MALRD1: variants seen among roughly 807,000 people sequenced by gnomAD.
MALRD1 encodes MAM and LDL-receptor class A domain-containing protein 1.
Under a neutral mutation model 242.1 loss-of-function variants are expected in MALRD1, and 247 were observed. The ratio of observed to expected loss-of-function variants is 1.02; its 90% CI spans 0.92 to 1.13. MALRD1 has a LOEUF of 1.13. Ranked by LOEUF, MALRD1 falls within the 50% of genes most tolerant of loss-of-function variation. MALRD1 has a pLI of 0.00. For synonymous variants in MALRD1, 995 were observed against 866.6 expected (o/e 1.15, Z -2.60); for missense variants, 2,989 against 2,533.1 (o/e 1.18, Z -3.86).
At chr10:19,337,214 T>C (rs897943781) in intron 24 of MALRD1, among the ~76,000 whole-genome samples, 1 of 152,134 alleles carries the variant, frequency 6.6e-6, no homozygotes, top group African/African-American at 2.4e-5. Context: ...TGTTAAGTAA[T>C]AGGTACATAC....
intron 36 of MALRD1, among the ~76,000 whole-genome samples, chr10:19,616,994 T>C (rs1359977748): frequency 1.3e-5 from 2 of 151,996 alleles, no homozygotes; most frequent in Non-Finnish European, 2.9e-5. Flanking sequence ...AAAGACAGGA[T>C]ACATAATATT....
Position 19,389,498 on chromosome 10 carries a change from C to G in MALRD1, c.4734C>G (p.Asp1578Glu). 6.4e-7 allele frequency: 1 copy of G among 1,550,572 alleles called. No homozygotes were observed. The highest frequency in any genetic ancestry group is 8.7e-7 in the Non-Finnish European group (1 of 1,146,950). The part of the protein sequence containing the change: ...LEATAVGLRG[D>E]KAHFRSTMWR... ...CTACTGCAGTGGGCCTTCGGGGTGA[C>G]AAAGCACACTTCAGGAGTACCATGT... The change falls in exon 28 of 40, where the codon GAC becomes GAG. Residue 1578 changes from aspartate (D) to glutamate (E), a missense_variant. Transcript: ENST00000454679.
At chr10:19,440,786 T>C (rs1016240426) in intron 28 of MALRD1, among the ~76,000 whole-genome samples, 2 of 152,222 alleles carry the variant, frequency 1.3e-5, no homozygotes, top group Admixed American at 6.5e-5. Flanking sequence ...CTATTGTGAA[T>C]AGTGCCGCAA....
chr10:19,306,056 TTATACTATACTATATATACTA>T (rs1842166806), intron 21 of MALRD1, among the ~76,000 whole-genome samples: 1 of 100,752 alleles, frequency 9.9e-6, no homozygotes. Flanking sequence ...ATACAATTTA[TTATACTATACTATATATACTA>T]TATACTATAT....
At chr10:19,237,584 T>TTA (rs1838387677) in intron 18 of MALRD1, among the ~76,000 whole-genome samples, 1 of 12,676 alleles carries the variant, frequency 7.9e-5, no homozygotes, top group African/African-American at 6.2e-4. Flanking sequence ...ATAATTATAA[T>TTA]TATATAATTA....
intron 5 of MALRD1, among the ~76,000 whole-genome samples, chr10:19,104,799 T>G (rs1013486877): frequency 9.2e-5 from 14 of 152,048 alleles, no homozygotes; most frequent in African/African-American, 3.4e-4. Context: ...TTGTGGTAAA[T>G]GATATTTCAA....
intron 14 of MALRD1, among the ~76,000 whole-genome samples, chr10:19,199,720 G>A (rs1370357834): frequency 1.3e-5 from 2 of 151,992 alleles, no homozygotes; most frequent in Non-Finnish European, 2.9e-5. Context: ...AGAATTGCTT[G>A]AACCCGGGAG....
intron 25 of MALRD1, among the ~76,000 whole-genome samples, chr10:19,350,589 T>C (rs1844331670): frequency 6.6e-6 from 1 of 152,116 alleles, no homozygotes; most frequent in Admixed American, 6.5e-5. Context: ...GCTTAGAAGA[T>C]TTTTATTCAC....
At chr10:19,559,323 G>C (rs1294816371) in intron 32 of MALRD1, among the ~76,000 whole-genome samples, 4 of 151,812 alleles carry the variant, frequency 2.6e-5, no homozygotes, top group Non-Finnish European at 5.9e-5. Context: ...AACTTGGCTA[G>C]AGGTTTAGCA....
chr10:19,147,597 T>C (rs1277329186), intron 11 of MALRD1, among the ~76,000 whole-genome samples: 2 of 152,234 alleles, frequency 1.3e-5, no homozygotes, highest in Non-Finnish European at 2.9e-5. Context: ...AATTATTAAA[T>C]ACATAGCATA....
At chr10:19,719,003 TA>T (rs915458263) in intron 38 of MALRD1, among the ~76,000 whole-genome samples, 89 of 146,306 alleles carry the variant, frequency 6.1e-4, no homozygotes, top group Non-Finnish European at 9.3e-4. Context: ...CAGAACAATT[TA>T]AAAAAAAAAT....
chr10:19,220,264 G>A (rs1837501319), intron 18 of MALRD1, among the ~76,000 whole-genome samples: 1 of 152,102 alleles, frequency 6.6e-6, no homozygotes, highest in Admixed American at 6.6e-5. Flanking sequence ...CTATGTAGAG[G>A]GACAGGGGAG....
At position 19,128,402 on chromosome 10, in the gene MALRD1, G is replaced by A; in HGVS notation, c.1110+15G>A. 1 of 1,230,836 alleles carries A rather than the reference G, an allele frequency of 8.1e-7. No individual in the cohort carries two copies. The highest frequency in any genetic ancestry group is 1.0e-6 in the Non-Finnish European group (1 of 985,654). 76.2% of individuals were successfully genotyped at this position (1,230,836 alleles called of 1,614,324 possible). ...ATAATAATAAGGTAAGAAGAAAGTTGCATTTATTTCAAATTCATTGAATCA... is the reference window on the plus strand; with the variant it reads ...ATAATAATAAGGTAAGAAGAAAGTTACATTTATTTCAAATTCATTGAATCA... On this transcript the variant is annotated intron_variant, in intron 8 of 39. Coordinates refer to ENST00000454679, the MANE Select transcript of MALRD1 (RefSeq NM_001142308.3).
At chr10:19,578,408 G>T (rs1195748873) in intron 33 of MALRD1, among the ~76,000 whole-genome samples, 1 of 152,094 alleles carries the variant, frequency 6.6e-6, no homozygotes, top group East Asian at 1.9e-4. Context: ...GAAATAACCA[G>T]CTTCCAGGTA....
intron 14 of MALRD1, among the ~76,000 whole-genome samples, chr10:19,200,661 T>TTTTTTTTTTTTTTG (rs1836488815): frequency 2.0e-5 from 3 of 146,930 alleles, no homozygotes; most frequent in Admixed American, 6.9e-5. Flanking sequence ...TTTTTTTTTT[T>TTTTTTTTTTTTTTG]TTTTTTTTTT....
chr10:19,149,787 A>G (rs1478277648), intron 11 of MALRD1, among the ~76,000 whole-genome samples: 2 of 152,214 alleles, frequency 1.3e-5, no homozygotes, highest in Non-Finnish European at 2.9e-5. Flanking sequence ...AAATGAAGAT[A>G]TAAAACAATT....
chr10:19,274,438 A>G (rs1295782881), intron 19 of MALRD1, among the ~76,000 whole-genome samples: 1 of 152,152 alleles, frequency 6.6e-6, no homozygotes, highest in Non-Finnish European at 1.5e-5. Context: ...TAAAGCTTTC[A>G]TGGATGGAAT....
intron 25 of MALRD1, among the ~76,000 whole-genome samples, 200 bp downstream of exon 25, chr10:19,348,218 C>T (rs2130984474): frequency 6.6e-6 from 1 of 152,218 alleles, no homozygotes; most frequent in Admixed American, 6.5e-5. Context: ...GGAAGAATTT[C>T]TCCTATGGAT....
chr10:19,282,588 C>T (rs1840871197), intron 20 of MALRD1, among the ~76,000 whole-genome samples: 1 of 152,078 alleles, frequency 6.6e-6, no homozygotes, highest in African/African-American at 2.4e-5. Context: ...TTATAGGAAA[C>T]AGGTCCAATA....
Sources: allele counts gnomAD v4.1 joint callset (sites outside exome capture counted in the v4.1 genomes callset), GRCh38; gene constraint gnomAD v4.1.1; transcripts MANE v1.5; gene names NCBI Gene and HGNC (gene_info 2026-07-23, HGNC 2026-07-21).